The following SRBD1 variants were observed in gnomAD, a reference collection of about 807,000 sequenced individuals.
SRBD1 encodes the protein S1 RNA binding domain 1.
A neutral mutation model predicts 115.3 loss-of-function variants in SRBD1; 88 were observed. The ratio of observed to expected loss-of-function variants is 0.76; its 90% CI spans 0.64 to 0.91. SRBD1 has a LOEUF of 0.91. SRBD1 is among the 40% of genes least tolerant of loss of function. The pLI, the probability that SRBD1 is intolerant of heterozygous loss-of-function variation, is 0.00. For missense variants in SRBD1, 1,385 were observed against 1,177.4 expected, an observed-to-expected ratio of 1.18 and a Z score of -2.58; for synonymous variants, 509 against 407.7, an observed-to-expected ratio of 1.25 and a Z score of -2.99.
chr2:45,435,803 A>G (rs1281759379), intron 16 of SRBD1, among the ~76,000 whole-genome samples: 1 of 152,218 alleles, frequency 6.6e-6, no homozygotes, highest in African/African-American at 2.4e-5. Context: ...CCTTACTCAG[A>G]TGGGTTCACT....
intron 14 of SRBD1, among the ~76,000 whole-genome samples, chr2:45,516,538 A>G (rs1263041169): frequency 1.3e-5 from 2 of 152,246 alleles, no homozygotes; most frequent in Non-Finnish European, 2.9e-5. Flanking sequence ...TATCTGGAAT[A>G]GTGTTCACCA....
At chr2:45,536,751 T>C (rs1379561515) in intron 14 of SRBD1, among the ~76,000 whole-genome samples, 5 of 152,150 alleles carry the variant, frequency 3.3e-5, no homozygotes, top group Non-Finnish European at 7.4e-5. Context: ...CTCTATTTAC[T>C]TCCCTTCAGA....
At chr2:45,606,372 C>T (rs1674274277) in intron 1 of SRBD1, among the ~76,000 whole-genome samples, 1 of 152,072 alleles carries the variant, frequency 6.6e-6, no homozygotes, top group Non-Finnish European at 1.5e-5. Flanking sequence ...GTTGGTCAGG[C>T]TGGTCTTGAA....
intron 9 of SRBD1, among the ~76,000 whole-genome samples, chr2:45,571,424 C>T (rs1188022501): frequency 1.4e-5 from 2 of 147,792 alleles, no homozygotes; most frequent in African/African-American, 5.0e-5. Flanking sequence ...AGCAAACCAA[C>T]CCCAAAACAA....
intron 10 of SRBD1, among the ~76,000 whole-genome samples, chr2:45,555,488 CTTTT>C (rs35646522): frequency 8.2e-6 from 1 of 121,378 alleles, no homozygotes; most frequent in Non-Finnish European, 1.7e-5. Flanking sequence ...TCATTAAACC[CTTTT>C]TTTTTTTTTT....
chr2:45,523,123 T>A (rs898280695), intron 14 of SRBD1, among the ~76,000 whole-genome samples: 1 of 151,758 alleles, frequency 6.6e-6, no homozygotes, highest in Non-Finnish European at 1.5e-5. Flanking sequence ...TTAGAAAATA[T>A]ACTTTGAGAT....
intron 16 of SRBD1, among the ~76,000 whole-genome samples, chr2:45,446,593 A>G (rs533798868): frequency 9.8e-4 from 149 of 152,276 alleles, no homozygotes; most frequent in Middle Eastern, 3.4e-3. Flanking sequence ...ATATATAGCA[A>G]AAGATAATTT....
At chr2:45,581,004 A>G (rs983440654) in intron 6 of SRBD1, among the ~76,000 whole-genome samples, 2 of 151,482 alleles carry the variant, frequency 1.3e-5, no homozygotes, top group African/African-American at 4.9e-5. Context: ...TTCTTAATCC[A>G]CTCACTCTCC....
At chr2:45,439,339 G>C (rs1490128788) in intron 16 of SRBD1, among the ~76,000 whole-genome samples, 1 of 148,112 alleles carries the variant, frequency 6.8e-6, no homozygotes, top group Non-Finnish European at 1.5e-5. Context: ...AAAGCAAAAA[G>C]TAAAACATGG....
At chr2:45,398,358 A>C (rs1463803815) in intron 19 of SRBD1, among the ~76,000 whole-genome samples, 2 of 152,010 alleles carry the variant, frequency 1.3e-5, no homozygotes, top group African/African-American at 4.8e-5. Flanking sequence ...TGCATATATG[A>C]GTAGAAGAAA....
At chr2:45,496,284 C>T (rs1189078778) in intron 14 of SRBD1, among the ~76,000 whole-genome samples, 1 of 152,024 alleles carries the variant, frequency 6.6e-6, no homozygotes, top group Non-Finnish European at 1.5e-5. Context: ...AAACATATTG[C>T]AAATTATTCT....
At chr2:45,418,878 T>G (rs1414943130) in intron 17 of SRBD1, among the ~76,000 whole-genome samples, 2 of 152,204 alleles carry the variant, frequency 1.3e-5, no homozygotes, top group East Asian at 3.8e-4. Flanking sequence ...GTAATAATTT[T>G]GCCTATTTTT....
intron 19 of SRBD1, among the ~76,000 whole-genome samples, chr2:45,408,855 G>C (rs1459845353): frequency 1.3e-5 from 2 of 152,074 alleles, no homozygotes; most frequent in Non-Finnish European, 2.9e-5. Flanking sequence ...ACAATAGAAA[G>C]CAAATTAACA....
At chr2:45,558,229 C>G (rs1672545175) in intron 10 of SRBD1, among the ~76,000 whole-genome samples, 1 of 152,134 alleles carries the variant, frequency 6.6e-6, no homozygotes, top group Non-Finnish European at 1.5e-5. Flanking sequence ...AATTTGAAGG[C>G]TGAGGCAGAA....
chr2:45,586,845 C>A (rs1305099157), intron 4 of SRBD1, among the ~76,000 whole-genome samples: 1 of 143,592 alleles, frequency 7.0e-6, no homozygotes, highest in African/African-American at 2.6e-5. Flanking sequence ...CCGAAACAGG[C>A]AATTAATTAT....
At chr2:45,441,025 C>T (rs1055500879) in intron 16 of SRBD1, among the ~76,000 whole-genome samples, 1 of 152,174 alleles carries the variant, frequency 6.6e-6, no homozygotes, top group African/African-American at 2.4e-5. Context: ...TCTAAAGATA[C>T]ATTTTCTCTT....
intron 14 of SRBD1, among the ~76,000 whole-genome samples, chr2:45,501,023 T>C (rs1670615001): frequency 6.6e-6 from 1 of 152,216 alleles, no homozygotes; most frequent in Non-Finnish European, 1.5e-5. Flanking sequence ...GGGTTTGTCA[T>C]ATACAGACTT....
chr2:45,459,522 T>C (rs1162151260), intron 16 of SRBD1, among the ~76,000 whole-genome samples: 1 of 152,142 alleles, frequency 6.6e-6, no homozygotes, highest in East Asian at 1.9e-4. Flanking sequence ...ATTAAATGAT[T>C]CAGTGAATAT....
At chr2:45,415,578 AAAAC>A (rs1419093819) in intron 18 of SRBD1, among the ~76,000 whole-genome samples, 6 of 144,180 alleles carry the variant, frequency 4.2e-5, no homozygotes, top group Admixed American at 1.4e-4. Flanking sequence ...TATAGGTTAA[AAAAC>A]AAAAATATAC....
Sources: gnomAD v4.1 joint callset for allele counts (sites outside exome capture counted in the v4.1 genomes callset) on GRCh38, gnomAD v4.1.1 for gene constraint, MANE v1.5 for transcripts, NCBI Gene and HGNC (gene_info 2026-07-23, HGNC 2026-07-21) for gene names.